The following TBC1D9 variants were observed in gnomAD, a reference collection of about 807,000 sequenced individuals.
The protein encoded by TBC1D9 is TBC1 domain family member 9, also known as TBC1 domain family member 9A.
In TBC1D9, 63 loss-of-function variants were observed where a neutral mutation model predicts 132.0. That is an observed-to-expected ratio of 0.48 (90% CI 0.39 to 0.59). The LOEUF (loss-of-function observed/expected upper bound fraction) is 0.59. Ranked by LOEUF, TBC1D9 falls within the 20% of genes least tolerant of loss-of-function variation. TBC1D9 has a pLI of 0.00. For synonymous variants in TBC1D9, 610 were observed against 609.9 expected (o/e 1.00, Z 0.00); for missense variants, 1,261 against 1,592.7 (o/e 0.79, Z 3.54).
intron 2 of TBC1D9, among the ~76,000 whole-genome samples, chr4:140,694,526 G>A (rs1319572458): frequency 1.0e-4 from 15 of 148,844 alleles, no homozygotes; most frequent in Middle Eastern, 3.5e-3. Context: ...GGCCGAGATC[G>A]TGCCACTGCA....
At chr4:140,636,246 A>G (rs1021065393) in intron 15 of TBC1D9, among the ~76,000 whole-genome samples, 1 of 152,174 alleles carries the variant, frequency 6.6e-6, no homozygotes, top group Admixed American at 6.5e-5. Context: ...GGGCCCCTGA[A>G]CCACATTTTC....
intron 1 of TBC1D9, among the ~76,000 whole-genome samples, chr4:140,719,756 G>T (rs757634328): frequency 1.4e-4 from 22 of 152,214 alleles, no homozygotes; most frequent in Non-Finnish European, 2.8e-4. Context: ...TGCTCAGTCA[G>T]TTCAAGGGTA....
At chr4:140,722,801 C>T (rs1455881587) in intron 1 of TBC1D9, among the ~76,000 whole-genome samples, 1 of 152,178 alleles carries the variant, frequency 6.6e-6, no homozygotes, top group Admixed American at 6.5e-5. Context: ...ATGTCACTCT[C>T]ACCCCCTCCT....
intron 3 of TBC1D9, among the ~76,000 whole-genome samples, chr4:140,684,016 A>C (rs1408098307): frequency 6.6e-6 from 1 of 152,224 alleles, no homozygotes; most frequent in African/African-American, 2.4e-5. Flanking sequence ...ATAACTAAAA[A>C]TTATATAACA....
intron 1 of TBC1D9, among the ~76,000 whole-genome samples, chr4:140,738,532 G>A (rs1441783509): frequency 3.3e-5 from 5 of 152,084 alleles, no homozygotes; most frequent in African/African-American, 9.7e-5. Context: ...AAAAAGCACA[G>A]GACACAGATC....
intron 1 of TBC1D9, among the ~76,000 whole-genome samples, chr4:140,740,460 C>T (rs902850938): frequency 6.6e-6 from 1 of 152,184 alleles, no homozygotes; most frequent in African/African-American, 2.4e-5. Context: ...GGTTCATTTC[C>T]TCCACCTACC....
At chr4:140,636,565 T>TA (rs1261185315) in intron 15 of TBC1D9, among the ~76,000 whole-genome samples, 2 of 151,966 alleles carry the variant, frequency 1.3e-5, no homozygotes, top group Non-Finnish European at 1.5e-5. Flanking sequence ...AAAATATATA[T>TA]TTTTTAGTGA....
At position 140,676,951 on chromosome 4, in the gene TBC1D9, G is replaced by A. The variant is rs1737635030; in HGVS notation, c.1002C>T (p.Tyr334=). ...TCTCCTCCTTGCTGGTAAAACAGAT[G>A]TAATTTGTGGACACAAACATCTGCC... ...ILGQMFVSTN[Y]ICFTSKEENL... The change falls in exon 6 of 21, where the codon TAC becomes TAT. Residue 334 remains tyrosine, a synonymous_variant. Transcript: ENST00000442267. 1 of 1,613,922 alleles carries A rather than the reference G, an allele frequency of 6.2e-7. No homozygotes were observed. The highest frequency in any genetic ancestry group is 8.5e-7 in the Non-Finnish European group (1 of 1,179,894).
chr4:140,666,713 T>C (rs1439430961), intron 9 of TBC1D9, among the ~76,000 whole-genome samples: 6 of 143,946 alleles, frequency 4.2e-5, no homozygotes, highest in Middle Eastern at 3.5e-3. Context: ...TTGTGATCAT[T>C]GCACAATTCT....
At position 140,686,407 on chromosome 4, in the gene TBC1D9, C is replaced by T; in HGVS notation, c.297G>A (p.Leu99=). ...EHWEWLEQNL[L]QTLSIFENEN... is the part of the protein sequence containing the mutation. Reference sequence around the variant, plus strand: ...CATTTTCAAAGATGGAGAGTGTCTGCAAGAGATTTTGCTCAAGCCATTCCC... The same window carrying T: ...CATTTTCAAAGATGGAGAGTGTCTGTAAGAGATTTTGCTCAAGCCATTCCC... Residue 99 remains leucine, a synonymous_variant, in exon 3 of 21, where the codon TTG becomes TTA. Transcript: ENST00000442267. The T allele has an allele frequency of 6.2e-7, 1 of 1,612,750 alleles. No homozygotes were observed. Among genetic ancestry groups the T allele is most frequent in the Non-Finnish European group, 8.5e-7 (1 of 1,179,250 alleles).
chr4:140,702,096 C>T (rs1738079071), intron 1 of TBC1D9, among the ~76,000 whole-genome samples: 1 of 152,184 alleles, frequency 6.6e-6, no homozygotes, highest in Non-Finnish European at 1.5e-5. Context: ...CAGCAGAGTC[C>T]TCTGCCATTT....
intron 13 of TBC1D9, among the ~76,000 whole-genome samples, chr4:140,651,900 G>A (rs113061491): frequency 2.6e-5 from 4 of 152,310 alleles, no homozygotes; most frequent in African/African-American, 9.6e-5. Context: ...CCCCAGGGCT[G>A]AGCATGATAC....
At chr4:140,699,952 G>A (rs972432800) in intron 2 of TBC1D9, among the ~76,000 whole-genome samples, 1 of 151,954 alleles carries the variant, frequency 6.6e-6, no homozygotes, top group African/African-American at 2.4e-5. Flanking sequence ...TGTTCATATA[G>A]AGCCCTTACT....
intron 13 of TBC1D9, chr4:140,642,865 G>T (rs181066605): frequency 2.1e-4 from 123 of 572,324 alleles, no homozygotes; most frequent in African/African-American, 1.9e-3. Flanking sequence ...TGTTTCCACG[G>T]CCTGCGTGCC....
intron 2 of TBC1D9, among the ~76,000 whole-genome samples, chr4:140,700,530 A>AT (rs879599964): frequency 2.6e-5 from 4 of 151,698 alleles, no homozygotes; most frequent in East Asian, 3.9e-4. Context: ...ATTAAAAAAA[A>AT]TTTTTTTTGC....
At chr4:140,647,990 C>T (rs368166182) in intron 13 of TBC1D9, among the ~76,000 whole-genome samples, 1 of 152,146 alleles carries the variant, frequency 6.6e-6, no homozygotes, top group African/African-American at 2.4e-5. Context: ...ATAGGACAAA[C>T]AAAACTTGGC....
intron 20 of TBC1D9, among the ~76,000 whole-genome samples, chr4:140,623,619 C>T (rs114904482): frequency 0.019 from 2,942 of 152,302 alleles, 40 homozygotes; most frequent in Non-Finnish European, 0.028. Context: ...CCTCCTCCCA[C>T]GACACATGCC....
At chr4:140,644,877 A>T in intron 13 of TBC1D9, 1 of 433,978 alleles carries the variant, frequency 2.3e-6, no homozygotes, top group South Asian at 1.9e-5. Flanking sequence ...AGTCCCTGAC[A>T]AACTGGTAGG....
At chr4:140,640,744 G>A (rs914303947) in intron 13 of TBC1D9, among the ~76,000 whole-genome samples, 2 of 152,056 alleles carry the variant, frequency 1.3e-5, no homozygotes, top group Non-Finnish European at 2.9e-5. Context: ...TAAAGATATA[G>A]TGCAACCAAA....
Sources: gnomAD v4.1 joint callset for allele counts (sites outside exome capture counted in the v4.1 genomes callset) on GRCh38, gnomAD v4.1.1 for gene constraint, MANE v1.5 for transcripts, NCBI Gene and HGNC (gene_info 2026-07-23, HGNC 2026-07-21) for gene names.